The following PCDHB15 variants were observed in gnomAD, a reference collection of about 807,000 sequenced individuals.
PCDHB15 encodes the protein protocadherin beta 15.
For missense variants in PCDHB15, 1,032 were observed against 991.7 expected (o/e 1.04, Z -0.55); for synonymous variants, 492 against 447.9 (o/e 1.10, Z -1.24).
Position 141,247,196 on chromosome 5 carries a change from G to T in PCDHB15, c.1618G>T (p.Ala540Ser), listed in dbSNP as rs782009421. The change falls in exon 1 of 1, where the codon GCG (alanine) becomes TCG (serine). Residue 540 changes from alanine (A) to serine (S), a missense_variant. By Grantham distance (99) the Ala-to-Ser change is moderately conservative (BLOSUM62 1). Coordinates refer to ENST00000231173, the MANE Select transcript of PCDHB15 (RefSeq NM_018935.4). ...GGGCGCCACAGACCGCGGCTTCCCG[G>T]CGCTGAGCAGCGAGGCGCTGGTGCG... ...RVGATDRGFP[A>S]LSSEALVRVL... 3 of 1,612,682 alleles carry T rather than the reference G, an allele frequency of 1.9e-6. No homozygotes were observed. Among genetic ancestry groups the T allele is most frequent in the Non-Finnish European group, 2.5e-6 (3 of 1,179,770 alleles).
At position 141,248,355 on chromosome 5, in the gene PCDHB15, A is replaced by C. The variant is rs1554292445; in HGVS notation, c.*413A>C. The C allele has an allele frequency of 1.2e-5, 2 of 163,636 alleles. No homozygotes were observed. Among genetic ancestry groups the C allele is most frequent in the Non-Finnish European group, 2.9e-5 (2 of 68,514 alleles). 10.1% of individuals were successfully genotyped at this position (163,636 alleles called of 1,614,324 possible). ...ACTTTTTGACAAAAGTTTGGGGTGT[A>C]ATCATTTCATATTTATCCATGTGTA... is the stretch of plus-strand genomic sequence containing the variant. On this transcript the variant is annotated 3_prime_UTR_variant, in exon 1 of 1. Transcript: ENST00000231173.
In PCDHB15 at chr5:141,248,990, C is replaced by A. The variant is rs1256350988; in HGVS notation, c.*1048C>A. The stretch of plus-strand genomic sequence containing the variant: ...CAGGAGCTTCTCAACTTTGCAGATA[C>A]TCTAGAATGGTATTGCATGCAAAAT... On this transcript the variant is annotated 3_prime_UTR_variant, in exon 1 of 1. Transcript: ENST00000231173. 1 of 152,144 alleles carries A rather than the reference C, an allele frequency of 6.6e-6. No homozygotes were observed. Among genetic ancestry groups the A allele is most frequent in the East Asian group, 1.9e-4 (1 of 5,202 alleles). 9.4% of individuals were successfully genotyped at this position (152,144 alleles called of 1,614,324 possible). A position where few individuals can be genotyped will look rare whatever the true frequency, so the allele number is the denominator to read the frequency against.
Position 141,246,655 on chromosome 5 carries a change from T to C in PCDHB15, c.1077T>C (p.Asn359=), listed in dbSNP as rs150599535. ...ISSLTSPIPE[N]SPETEVALFR... ...CACTTACCAGCCCTATTCCCGAGAA[T>C]TCTCCAGAGACAGAAGTGGCCCTGT... is the stretch of plus-strand genomic sequence containing the variant. The change falls in exon 1 of 1, where the codon AAT becomes AAC. Residue 359 remains asparagine, a synonymous_variant. Coordinates refer to ENST00000231173, the MANE Select transcript of PCDHB15 (RefSeq NM_018935.4). The C allele has an allele frequency of 6.9e-5, 111 of 1,614,062 alleles. No individual in the cohort carries two copies. The highest frequency in any genetic ancestry group is 8.8e-5 in the Non-Finnish European group (104 of 1,180,040).
chr5:141,245,669 C>T lies in PCDHB15; in HGVS notation c.91C>T (p.Arg31Cys), dbSNP rs782183139. 2 of 1,614,180 alleles carry T rather than the reference C, an allele frequency of 1.2e-6. No individual in the cohort carries two copies. Among genetic ancestry groups the T allele is most frequent in the South Asian group, 1.1e-5 (1 of 91,076 alleles). Residue 31 changes from arginine (R) to cysteine (C), a missense_variant, in exon 1 of 1, where the codon CGT becomes TGT. Physicochemically the swap from Arg to Cys is radical, Grantham distance 180. Coordinates refer to ENST00000231173, the MANE Select transcript of PCDHB15 (RefSeq NM_018935.4). ...AGTGACTCTGGCAGGCTGGGAACCC[C>T]GTCGCTATTCTGTGATGGAGGAAAC... ...LEVTLAGWEP[R>C]RYSVMEETER...
chr5:141,247,592 C>G lies in PCDHB15; in HGVS notation c.2014C>G (p.Pro672Ala). Residue 672 changes from proline (P) to alanine (A), a missense_variant, in exon 1 of 1, where the codon CCG becomes GCG. Physicochemically the swap from Pro to Ala is conservative, Grantham distance 27. Transcript: ENST00000231173. The part of the protein sequence containing the change: ...LVDGFSQPYL[P>A]LPEAAPAQAQ... Reference sequence around the variant, plus strand: ...GGACGGCTTCTCTCAGCCCTACCTGCCGCTCCCAGAGGCGGCCCCGGCCCA... The same window carrying G: ...GGACGGCTTCTCTCAGCCCTACCTGGCGCTCCCAGAGGCGGCCCCGGCCCA... The G allele has an allele frequency of 1.9e-6, 3 of 1,610,162 alleles. No individual in the cohort carries two copies. Among genetic ancestry groups the G allele is most frequent in the Middle Eastern group, 4.1e-4 (2 of 4,828 alleles).
Position 141,245,976 on chromosome 5 carries a change from T to G in PCDHB15, c.398T>G (p.Phe133Cys), listed in dbSNP as rs1554291828. Residue 133 changes from phenylalanine to cysteine, a missense_variant, in exon 1 of 1, where the codon TTT (phenylalanine) becomes TGT (cysteine). Physicochemically the swap from Phe to Cys is radical, Grantham distance 205. Transcript: ENST00000231173. ...VTDINDHSPE[F>C]PEREMTLKIP... is the part of the protein sequence containing the mutation. ...GACATAAACGATCATTCTCCTGAGT[T>G]TCCTGAAAGAGAAATGACCCTGAAA... 6 of 1,614,156 alleles carry G rather than the reference T, an allele frequency of 3.7e-6. No individual in the cohort carries two copies. In the Middle Eastern group the frequency reaches 8.2e-4, roughly 222 times the overall value.
At position 141,246,568 on chromosome 5, in the gene PCDHB15, A is replaced by C; in HGVS notation, c.990A>C (p.Lys330Asn). 2 of 1,614,168 alleles carry C rather than the reference A, an allele frequency of 1.2e-6. No homozygotes were observed. Among genetic ancestry groups the C allele is most frequent in the Non-Finnish European group, 1.7e-6 (2 of 1,180,038 alleles). ...CTGATGGCGGGGGACTTTCTGGAAA[A>C]TGCTCTGTCTCTGTTAAGGTGCTGG... is the stretch of plus-strand genomic sequence containing the variant. Reference protein sequence around the residue: ...EASDGGGLSGKCSVSVKVLDV... With the variant: ...EASDGGGLSGNCSVSVKVLDV... The change falls in exon 1 of 1, where the codon AAA becomes AAC. Residue 330 changes from lysine (K) to asparagine (N), a missense_variant. By Grantham distance (94) the Lys-to-Asn change is moderately conservative. Coordinates refer to ENST00000231173, the MANE Select transcript of PCDHB15 (RefSeq NM_018935.4).
rs1554292264 is a variant in PCDHB15 at position 141,247,565 on chromosome 5, G to A, written c.1987G>A (p.Val663Met). 6.2e-6 allele frequency: 10 copies of A among 1,609,476 alleles called. No homozygotes were observed. Among genetic ancestry groups the A allele is most frequent in the South Asian group, 1.1e-5 (1 of 91,000 alleles). Residue 663 changes from valine (V) to methionine (M), a missense_variant, in exon 1 of 1, where the codon GTG (valine) becomes ATG (methionine). Transcript: ENST00000231173. Reference sequence around the variant, plus strand: ...CACCGCCACGCTGCAAGTGCTCCTGGTGGACGGCTTCTCTCAGCCCTACCT... The same window carrying A: ...CACCGCCACGCTGCAAGTGCTCCTGATGGACGGCTTCTCTCAGCCCTACCT... ...SATATLQVLL[V>M]DGFSQPYLPL...
rs1755257830 is a variant in PCDHB15, at chr5:141,246,264, T to G, written c.686T>G (p.Leu229Arg). 2 of 1,613,992 alleles carry G rather than the reference T, an allele frequency of 1.2e-6. No homozygotes were observed. The highest frequency in any genetic ancestry group is 2.7e-5 in the African/African-American group (2 of 74,932). ...SPPRSGTVQI[L>R]ILVLDANDNA... ...CCCCGATCTGGCACCGTCCAGATCC[T>G]CATCTTGGTCTTGGACGCCAATGAC... The change falls in exon 1 of 1, where the codon CTC (leucine) becomes CGC (arginine). Residue 229 changes from leucine (L) to arginine (R), a missense_variant. Leu to Arg is a moderately radical substitution (Grantham distance 102). Coordinates refer to ENST00000231173, the MANE Select transcript of PCDHB15 (RefSeq NM_018935.4).
At position 141,247,879 on chromosome 5, in the gene PCDHB15, G is replaced by T; in HGVS notation, c.2301G>T (p.Leu767Phe). ...CTGAAAGTAATGATTTCAAGTTCTT[G>T]AAGCCTATATTCCCAAATATTGTAA... is the stretch of plus-strand genomic sequence containing the variant. The part of the protein sequence containing the change: ...GGSESNDFKF[L>F]KPIFPNIVSQ... The change falls in exon 1 of 1, where the codon TTG becomes TTT. Residue 767 changes from leucine (L) to phenylalanine (F), a missense_variant. Leu to Phe is a conservative substitution (Grantham distance 22). Coordinates refer to ENST00000231173, the MANE Select transcript of PCDHB15 (RefSeq NM_018935.4). 1 of 1,614,232 alleles carries T rather than the reference G, an allele frequency of 6.2e-7. No homozygotes were observed.
In PCDHB15 at chr5:141,247,102, G is replaced by A. The variant is rs201198442; in HGVS notation, c.1524G>A (p.Thr508=). Residue 508 remains threonine, a synonymous_variant, in exon 1 of 1, where the codon ACG becomes ACA. Coordinates refer to ENST00000231173, the MANE Select transcript of PCDHB15 (RefSeq NM_018935.4). ...LPLTSLVSIN[T]DNGHLFALQS... Reference sequence around the variant, plus strand: ...TCACCTCCCTGGTCTCCATTAACACGGACAACGGCCACCTGTTCGCTCTCC... The same window carrying A: ...TCACCTCCCTGGTCTCCATTAACACAGACAACGGCCACCTGTTCGCTCTCC... The A allele has an allele frequency of 2.6e-3, 4,273 of 1,612,640 alleles. 23 individuals are homozygous for A. Among genetic ancestry groups the A allele is most frequent in the South Asian group, 8.9e-3 (804 of 90,844 alleles).
Position 141,247,440 on chromosome 5 carries a change from A to G in PCDHB15, c.1862A>G (p.Asn621Ser). Reference protein sequence around the residue: ...EPGLFGVWAHNGEVRTARLLS... With the variant: ...EPGLFGVWAHSGEVRTARLLS... ...GGGCTGTTCGGCGTGTGGGCGCACA[A>G]TGGCGAGGTGCGCACCGCCAGGCTG... The change falls in exon 1 of 1, where the codon AAT (asparagine) becomes AGT (serine). Residue 621 changes from asparagine to serine, a missense_variant. Asn to Ser is a conservative substitution (Grantham distance 46, BLOSUM62 1). Coordinates refer to ENST00000231173, the MANE Select transcript of PCDHB15 (RefSeq NM_018935.4). 1.9e-6 allele frequency: 3 copies of G among 1,607,060 alleles called. No individual in the cohort carries two copies. The South Asian group carries it at 3.3e-5, about 18-fold the overall frequency.
chr5:141,247,826 C>G lies in PCDHB15; in HGVS notation c.2248C>G (p.Gln750Glu). The part of the protein sequence containing the change: ...SGTGTLSQSY[Q>E]YEVCLTGGSE... The stretch of plus-strand genomic sequence containing the variant: ...CACCGGGACCCTTTCCCAGAGCTAC[C>G]AGTACGAGGTGTGTCTGACGGGAGG... The change falls in exon 1 of 1, where the codon CAG becomes GAG. Residue 750 changes from glutamine to glutamate, a missense_variant. Coordinates refer to ENST00000231173, the MANE Select transcript of PCDHB15 (RefSeq NM_018935.4). The G allele has an allele frequency of 6.2e-7, 1 of 1,614,202 alleles. No individual in the cohort carries two copies. Among genetic ancestry groups the G allele is most frequent in the Non-Finnish European group, 8.5e-7 (1 of 1,180,036 alleles).
chr5:141,247,217 G>C lies in PCDHB15; in HGVS notation c.1639G>C (p.Val547Leu). The C allele has an allele frequency of 6.2e-7, 1 of 1,612,154 alleles. No homozygotes were observed. Among genetic ancestry groups the C allele is most frequent in the Non-Finnish European group, 8.5e-7 (1 of 1,179,660 alleles). The stretch of plus-strand genomic sequence containing the variant: ...CCCGGCGCTGAGCAGCGAGGCGCTG[G>C]TGCGAGTGCTGGTGCTGGACGCCAA... ...GFPALSSEAL[V>L]RVLVLDANDN... is the part of the protein sequence containing the mutation. The change falls in exon 1 of 1, where the codon GTG becomes CTG. Residue 547 changes from valine to leucine, a missense_variant. Transcript: ENST00000231173.
Position 141,247,378 on chromosome 5 carries a change from C to T in PCDHB15, c.1800C>T (p.Ala600=), listed in dbSNP as rs1755300810. Residue 600 remains alanine (A), a synonymous_variant, in exon 1 of 1, where the codon GCC becomes GCT. Coordinates refer to ENST00000231173, the MANE Select transcript of PCDHB15 (RefSeq NM_018935.4). The part of the protein sequence containing the change: ...VAVDGDSGQN[A]WLSYQLLKAT... ...TGGACGGCGACTCGGGCCAGAACGC[C>T]TGGCTGTCGTACCAGCTGCTCAAGG... 1.9e-6 allele frequency: 3 copies of T among 1,605,144 alleles called. No homozygotes were observed. Among genetic ancestry groups the T allele is most frequent in the Non-Finnish European group, 2.5e-6 (3 of 1,178,834 alleles).
rs782584397 is a variant in PCDHB15, at chr5:141,247,413, C to T, written c.1835C>T (p.Pro612Leu). The stretch of plus-strand genomic sequence containing the variant: ...TACCAGCTGCTCAAGGCCACGGAGC[C>T]CGGGCTGTTCGGCGTGTGGGCGCAC... ...LSYQLLKATEPGLFGVWAHNG... is the reference protein window; with the variant it reads ...LSYQLLKATELGLFGVWAHNG... Residue 612 changes from proline to leucine, a missense_variant, in exon 1 of 1, where the codon CCC (proline) becomes CTC (leucine). Physicochemically the swap from Pro to Leu is moderately conservative, Grantham distance 98. Coordinates refer to ENST00000231173, the MANE Select transcript of PCDHB15 (RefSeq NM_018935.4). The T allele has an allele frequency of 5.6e-6, 9 of 1,605,676 alleles. No homozygotes were observed. The East Asian group carries it at 8.9e-5, about 16-fold the overall frequency.
In PCDHB15 at chr5:141,245,921, G is replaced by A; in HGVS notation, c.343G>A (p.Glu115Lys). Residue 115 changes from glutamate (E) to lysine (K), a missense_variant, in exon 1 of 1, where the codon GAA becomes AAA. Physicochemically the swap from Glu to Lys is moderately conservative, Grantham distance 56. Coordinates refer to ENST00000231173, the MANE Select transcript of PCDHB15 (RefSeq NM_018935.4). ...HFQVLLKKPL[E>K]VFRAELLVTD... The stretch of plus-strand genomic sequence containing the variant: ...CCAAGTGTTACTGAAAAAACCTTTG[G>A]AAGTATTTCGAGCTGAACTACTAGT... 6.2e-7 allele frequency: 1 copy of A among 1,614,142 alleles called. No homozygotes were observed. The highest frequency in any genetic ancestry group is 8.5e-7 in the Non-Finnish European group (1 of 1,180,036).
chr5:141,246,867 G>T lies in PCDHB15; in HGVS notation c.1289G>T (p.Arg430Met), dbSNP rs1217759218. 4 of 1,614,038 alleles carry T rather than the reference G, an allele frequency of 2.5e-6. No homozygotes were observed. Among genetic ancestry groups the T allele is most frequent in the Non-Finnish European group, 3.4e-6 (4 of 1,180,048 alleles). The change falls in exon 1 of 1, where the codon AGG (arginine) becomes ATG (methionine). Residue 430 changes from arginine (R) to methionine (M), a missense_variant. Coordinates refer to ENST00000231173, the MANE Select transcript of PCDHB15 (RefSeq NM_018935.4). The stretch of plus-strand genomic sequence containing the variant: ...ACCATCACAGACTTGGGGACTCCAA[G>T]GCTGAAAACCGAGCAGAGCATAACC... ...TITITDLGTPRLKTEQSITVL... is the reference protein window; with the variant it reads ...TITITDLGTPMLKTEQSITVL...
rs868907125 is a variant in PCDHB15 at position 141,245,649 on chromosome 5, C to T, written c.71C>T (p.Thr24Ile). ...ATTCTCCTTCTTTTACTGGAAGTGACTCTGGCAGGCTGGGAACCCCGTCGC... is the reference window on the plus strand; with the variant it reads ...ATTCTCCTTCTTTTACTGGAAGTGATTCTGGCAGGCTGGGAACCCCGTCGC... ...VLILLLLLEV[T>I]LAGWEPRRYS... The change falls in exon 1 of 1, where the codon ACT becomes ATT. Residue 24 changes from threonine (T) to isoleucine (I), a missense_variant. Coordinates refer to ENST00000231173, the MANE Select transcript of PCDHB15 (RefSeq NM_018935.4). 1.2e-6 allele frequency: 2 copies of T among 1,614,232 alleles called. No homozygotes were observed. Among genetic ancestry groups the T allele is most frequent in the Middle Eastern group, 3.3e-4 (2 of 6,060 alleles).
Sources: allele counts gnomAD v4.1 joint callset, GRCh38; gene constraint gnomAD v4.1.1; transcripts MANE v1.5; gene names NCBI Gene and HGNC (gene_info 2026-07-23, HGNC 2026-07-21).